Variants in GRIK2 observed in about 807,000 individuals in gnomAD.
GRIK2 encodes glutamate ionotropic receptor kainate type subunit 2.
GRIK2 carries 32 observed loss-of-function variants against 100.3 expected under a neutral mutation model. That is an observed-to-expected ratio of 0.32 (90% confidence interval 0.24 to 0.43). The LOEUF is 0.43. GRIK2 is among the 20% of genes least tolerant of loss of function. GRIK2 has a pLI of 1.00. For missense variants in GRIK2, 843 were observed against 1,114.9 expected (o/e 0.76, Z 3.47); for synonymous variants, 417 against 389.4 (o/e 1.07, Z -0.83).
intron 14 of GRIK2, among the ~76,000 whole-genome samples, chr6:101,934,030 A>G (rs1790462490): frequency 6.6e-6 from 1 of 150,876 alleles, no homozygotes; most frequent in African/African-American, 2.4e-5. Context: ...TTTAACTTTT[A>G]CAGCCTTCCT....
At chr6:101,964,069 A>T (rs1192027256) in intron 14 of GRIK2, among the ~76,000 whole-genome samples, 1 of 151,614 alleles carries the variant, frequency 6.6e-6, no homozygotes, top group Non-Finnish European at 1.5e-5. Context: ...TCTTGAAAAA[A>T]AATACATATA....
intron 2 of GRIK2, among the ~76,000 whole-genome samples, chr6:101,587,347 C>T (rs1007308189): frequency 1.5e-4 from 23 of 151,942 alleles, no homozygotes; most frequent in Non-Finnish European, 2.9e-4. Context: ...TTAAGACATA[C>T]GGAGAATTAA....
chr6:101,867,379 A>ATAGT (rs60553910), intron 11 of GRIK2, among the ~76,000 whole-genome samples: 139,447 of 151,820 alleles, frequency 0.92, 64,199 homozygotes, highest in East Asian at 0.98. Context: ...AAGGGCTAAT[A>ATAGT]TATTTTTAAA....
At chr6:101,583,519 C>G (rs936871775) in intron 2 of GRIK2, among the ~76,000 whole-genome samples, 1 of 152,052 alleles carries the variant, frequency 6.6e-6, no homozygotes, top group African/African-American at 2.4e-5. Context: ...TTCAAAGAGC[C>G]TTGTACAATT....
At chr6:101,823,991 C>T (rs1782145479) in intron 10 of GRIK2, among the ~76,000 whole-genome samples, 2 of 151,962 alleles carry the variant, frequency 1.3e-5, no homozygotes, top group East Asian at 1.9e-4. Context: ...CCTCAGCCTC[C>T]TGAGTAGCTG....
In GRIK2 at chr6:101,894,160, T is replaced by C. The variant is rs562854752; in HGVS notation, c.1748+4297T>C. Among the ~76,000 whole-genome samples, 6 of 151,724 alleles carry C rather than the reference T, an allele frequency of 4.0e-5. No homozygotes were observed. The East Asian group carries it at 9.7e-4, about 24-fold the overall frequency. On this transcript the variant is annotated intron_variant, in intron 12 of 16. Transcript: ENST00000369134. ...ATTGTTAGAATTTATGTTTTTAAAATTGGATTTAAAAGTAGATTATTTTGT... is the reference window on the plus strand; with the variant it reads ...ATTGTTAGAATTTATGTTTTTAAAACTGGATTTAAAAGTAGATTATTTTGT...
Position 101,527,570 on chromosome 6 carries a change from C to T in GRIK2, c.116-94379C>T, listed in dbSNP as rs80033694. Among the ~76,000 whole-genome samples, 1,058 of 152,278 alleles carry T rather than the reference C, an allele frequency of 6.9e-3. 11 individuals carry two copies. Among genetic ancestry groups the T allele is most frequent in the African/African-American group, 0.024 (1,000 of 41,550 alleles). On this transcript the variant is annotated intron_variant, in intron 2 of 16. Coordinates refer to ENST00000369134, the MANE Select transcript of GRIK2 (RefSeq NM_021956.5). ...TGTTTTTATTTCCGAACATGTCAAC[C>T]ACTTCTCGACTTTGTGATTTTGATA...
chr6:101,790,738 G>T (rs1339748668), intron 7 of GRIK2, among the ~76,000 whole-genome samples: 2 of 151,212 alleles, frequency 1.3e-5, no homozygotes, highest in Non-Finnish European at 2.9e-5. Flanking sequence ...AGTTAGGGAG[G>T]ATTCCCTCTT....
At chr6:101,558,610 G>A (rs935233135) in intron 2 of GRIK2, among the ~76,000 whole-genome samples, 5 of 151,726 alleles carry the variant, frequency 3.3e-5, no homozygotes, top group African/African-American at 9.7e-5. Flanking sequence ...AAATAGTTTA[G>A]GGTTGAATTG....
intron 10 of GRIK2, among the ~76,000 whole-genome samples, chr6:101,825,492 A>G (rs939733540): frequency 1.3e-5 from 2 of 152,090 alleles, no homozygotes; most frequent in African/African-American, 4.8e-5. Context: ...CTAGGGTCTT[A>G]ATTTCTAAAG....
intron 15 of GRIK2, among the ~76,000 whole-genome samples, chr6:102,038,311 T>C (rs1024522360): frequency 6.6e-6 from 1 of 151,322 alleles, no homozygotes; most frequent in African/African-American, 2.4e-5. Context: ...ATAGTTTCAT[T>C]TGGGAAGAGC....
At chr6:101,582,908 A>C (rs1443814121) in intron 2 of GRIK2, among the ~76,000 whole-genome samples, 1 of 146,872 alleles carries the variant, frequency 6.8e-6, no homozygotes, top group African/African-American at 2.4e-5. Flanking sequence ...AGCCACTACA[A>C]TCTGCAGTGG....
intron 12 of GRIK2, among the ~76,000 whole-genome samples, chr6:101,894,342 GTTATA>G (rs1787299330): frequency 1.3e-5 from 2 of 151,628 alleles, no homozygotes; most frequent in Admixed American, 1.3e-4. Context: ...CCTGTAAGCA[GTTATA>G]TTATTATTTA....
chr6:101,751,221 G>A (rs769907867), intron 7 of GRIK2, among the ~76,000 whole-genome samples: 1 of 151,918 alleles, frequency 6.6e-6, no homozygotes, highest in African/African-American at 2.4e-5. Flanking sequence ...TTTCAGGCAT[G>A]AGCCACCACA....
intron 7 of GRIK2, among the ~76,000 whole-genome samples, chr6:101,734,309 C>A (rs933293585): frequency 6.6e-6 from 1 of 152,126 alleles, no homozygotes; most frequent in Non-Finnish European, 1.5e-5. Flanking sequence ...CCAGCAGACT[C>A]AAAACCTAAA....
At chr6:101,640,858 A>G (rs904389963) in intron 4 of GRIK2, among the ~76,000 whole-genome samples, 2 of 152,284 alleles carry the variant, frequency 1.3e-5, no homozygotes, top group East Asian at 3.9e-4. Context: ...ATTTTGAAAC[A>G]AATTGACATT....
At chr6:101,982,368 C>G (rs1210066547) in intron 14 of GRIK2, among the ~76,000 whole-genome samples, 3 of 151,830 alleles carry the variant, frequency 2.0e-5, no homozygotes, top group Non-Finnish European at 2.9e-5. Flanking sequence ...AGTGACAACT[C>G]TGTGCTTTTT....
At chr6:102,013,950 A>C (rs915054403) in intron 14 of GRIK2, among the ~76,000 whole-genome samples, 2 of 152,072 alleles carry the variant, frequency 1.3e-5, no homozygotes, top group African/African-American at 4.8e-5. Context: ...TCATAGAATA[A>C]GGTAGGGAGG....
At chr6:101,435,233 A>G (rs1023942001) in intron 2 of GRIK2, among the ~76,000 whole-genome samples, 2 of 152,082 alleles carry the variant, frequency 1.3e-5, no homozygotes, top group African/African-American at 4.8e-5. Context: ...AGTTATTGTG[A>G]ACCATGGAAT....
Sources: gnomAD v4.1 joint callset for allele counts (sites outside exome capture counted in the v4.1 genomes callset) on GRCh38, gnomAD v4.1.1 for gene constraint, MANE v1.5 for transcripts, NCBI Gene and HGNC (gene_info 2026-07-23, HGNC 2026-07-21) for gene names.